TENM3: variants seen among roughly 807,000 people sequenced by gnomAD.
The protein encoded by TENM3 is teneurin transmembrane protein 3, also known as teneurin-3.
Under a neutral mutation model 255.1 loss-of-function variants are expected in TENM3, and 63 were observed. The observed-to-expected ratio is 0.25, with a 90% CI of 0.20 to 0.30. TENM3 has a LOEUF of 0.30. Among genes scored for constraint, TENM3 ranks in the 10% least tolerant of loss-of-function variants. The pLI is 1.00. For synonymous variants in TENM3, 1,306 were observed against 1,322.3 expected (o/e 0.99, Z 0.27); for missense variants, 2,929 against 3,461.1 (o/e 0.85, Z 3.86).
the TENM3 span, among the ~76,000 whole-genome samples, chr4:182,096,570 G>A: frequency 2.4e-4 from 37 of 152,236 alleles, 1 homozygote; most frequent in South Asian, 5.0e-3. Flanking sequence ...CAATGGATGC[G>A]AAAACCACAA....
the TENM3 span, among the ~76,000 whole-genome samples, chr4:181,632,851 A>G: frequency 6.6e-6 from 1 of 152,312 alleles, no homozygotes; most frequent in Admixed American, 6.5e-5. Flanking sequence ...TGAGTTGGAA[A>G]TCTCAAACCA....
chr4:181,780,983 C>A, the TENM3 span, among the ~76,000 whole-genome samples: 6 of 152,032 alleles, frequency 3.9e-5, no homozygotes, highest in Non-Finnish European at 8.8e-5. Context: ...TGGTCTATAT[C>A]TCTGTTTTGG....
chr4:182,755,311 A>C, intron 22 of TENM3, 52 bp downstream of exon 22: 1 of 1,310,216 alleles, frequency 7.6e-7, no homozygotes, highest in Non-Finnish European at 1.0e-6. Flanking sequence ...ATATAATAAT[A>C]TCATCTATAA....
In TENM3 at chr4:182,166,480, G is replaced by A. The variant is rs115390922; in HGVS notation, c.-76+21726G>A. 4.9e-3 allele frequency among the ~76,000 whole-genome samples: 744 copies of A among 152,262 alleles called. 3 individuals are homozygous for A. The highest frequency in any genetic ancestry group is 0.017 in the African/African-American group (709 of 41,556). On this transcript the variant is annotated intron_variant, in intron 1 of 2. Coordinates refer to the TENM3 transcript ENST00000512480. Reference sequence around the variant, plus strand: ...ATTTTTCATGGCATCATCAACTGGTGTAGATTTGGGTATCATTTTGCAGCT... The same window carrying A: ...ATTTTTCATGGCATCATCAACTGGTATAGATTTGGGTATCATTTTGCAGCT...
chr4:182,766,728 TG>T (rs1237642272), intron 22 of TENM3, among the ~76,000 whole-genome samples: 2 of 151,806 alleles, frequency 1.3e-5, no homozygotes, highest in East Asian at 3.9e-4. Context: ...TCATGTTAGC[TG>T]GGGGGTGTTT....
the TENM3 span, among the ~76,000 whole-genome samples, chr4:182,094,029 G>A: frequency 0.67 from 102,088 of 151,930 alleles, 34,350 homozygotes; most frequent in African/African-American, 0.71. Flanking sequence ...AGGAATCACA[G>A]TGAAGCCCTG....
intron 3 of TENM3, among the ~76,000 whole-genome samples, chr4:182,415,698 G>T (rs1346474251): frequency 6.6e-6 from 1 of 152,112 alleles, no homozygotes; most frequent in Non-Finnish European, 1.5e-5. Flanking sequence ...GTGCTAAATT[G>T]CCAATATGTC....
chr4:181,931,839 A>G, the TENM3 span, among the ~76,000 whole-genome samples: 1 of 152,310 alleles, frequency 6.6e-6, no homozygotes, highest in Admixed American at 6.5e-5. Flanking sequence ...ATGGAACAGA[A>G]CAGAGGCCTC....
the TENM3 span, among the ~76,000 whole-genome samples, chr4:181,917,670 T>G: frequency 1.1e-4 from 17 of 150,002 alleles, no homozygotes; most frequent in Non-Finnish European, 2.5e-4. Flanking sequence ...TTTCTTTTTT[T>G]TTTTTTTTTG....
the TENM3 span, among the ~76,000 whole-genome samples, chr4:182,008,315 C>A: frequency 5.9e-5 from 9 of 152,182 alleles, no homozygotes; most frequent in East Asian, 1.8e-3. Context: ...TGGATAATAT[C>A]CTATAGTGTG....
chr4:182,001,936 A>G, the TENM3 span, among the ~76,000 whole-genome samples: 1 of 152,168 alleles, frequency 6.6e-6, no homozygotes, highest in Non-Finnish European at 1.5e-5. Context: ...TAGATCATTC[A>G]GCATAGGAAC....
chr4:182,075,466 G>A, the TENM3 span, among the ~76,000 whole-genome samples: 3 of 152,090 alleles, frequency 2.0e-5, no homozygotes, highest in East Asian at 1.9e-4. Flanking sequence ...CCAAAGTGCT[G>A]GGATTACAGG....
the TENM3 span, among the ~76,000 whole-genome samples, chr4:181,940,177 T>C: frequency 1.3e-5 from 2 of 152,222 alleles, no homozygotes; most frequent in Admixed American, 6.5e-5. Context: ...AAGTGTCTTG[T>C]TTTTTATAAT....
chr4:181,659,068 A>G, the TENM3 span, among the ~76,000 whole-genome samples: 3 of 152,204 alleles, frequency 2.0e-5, no homozygotes, highest in Non-Finnish European at 4.4e-5. Flanking sequence ...AACGTTTACT[A>G]AACAGACCCA....
the TENM3 span, among the ~76,000 whole-genome samples, chr4:182,010,367 T>C: frequency 7.2e-5 from 11 of 152,056 alleles, no homozygotes; most frequent in African/African-American, 2.7e-4. Flanking sequence ...AAACTGACAA[T>C]TGGAAACAGA....
rs1756703120 is a variant in TENM3, at chr4:182,687,832, A to G, written c.2036-334A>G. ...CATGTTTTCTTGGTGATAGGTGTAT[A>G]TAAATATGACCACCCTCTATATATG... On this transcript the variant is annotated intron_variant, in intron 11 of 27. Coordinates refer to ENST00000511685, the MANE Select transcript of TENM3 (RefSeq NM_001080477.4). 3.3e-5 allele frequency among the ~76,000 whole-genome samples: 5 copies of G among 152,286 alleles called. No individual in the cohort carries two copies. The South Asian group carries it at 8.3e-4, about 25-fold the overall frequency.
At chr4:182,614,541 T>G (rs953326382) in intron 4 of TENM3, among the ~76,000 whole-genome samples, 2 of 152,206 alleles carry the variant, frequency 1.3e-5, no homozygotes, top group Admixed American at 1.3e-4. Flanking sequence ...TAATCAAGCC[T>G]TGAGACAAGC....
At chr4:182,737,659 G>A (rs1438764860) in intron 17 of TENM3, among the ~76,000 whole-genome samples, 2 of 152,170 alleles carry the variant, frequency 1.3e-5, no homozygotes, top group Non-Finnish European at 1.5e-5. Flanking sequence ...TAGGTATATA[G>A]TATAGCTTCA....
At chr4:181,527,501 A>G in the TENM3 span, among the ~76,000 whole-genome samples, 1 of 151,990 alleles carries the variant, frequency 6.6e-6, no homozygotes, top group Non-Finnish European at 1.5e-5. Context: ...CCCAAGCAGC[A>G]GGGATTACAG....
Sources: gnomAD v4.1 joint callset for allele counts (sites outside exome capture counted in the v4.1 genomes callset) on GRCh38, gnomAD v4.1.1 for gene constraint, MANE v1.5 for transcripts, NCBI Gene and HGNC (gene_info 2026-07-23, HGNC 2026-07-21) for gene names.